PRKCA: variants seen among roughly 807,000 people sequenced by gnomAD.
PRKCA encodes protein kinase C alpha, also known as protein kinase C alpha type.
Under a neutral mutation model 87.0 loss-of-function variants are expected in PRKCA, and 27 were observed. That is an observed-to-expected ratio of 0.31 (90% CI 0.23 to 0.43). PRKCA has a LOEUF of 0.43. PRKCA is among the 20% of genes least tolerant of loss of function. PRKCA has a pLI of 1.00. For missense variants in PRKCA, 518 were observed against 852.3 expected (o/e 0.61, Z 4.88); for synonymous variants, 329 against 311.1 (o/e 1.06, Z -0.61).
chr17:66,778,280 G>A (rs1477703222), intron 14 of PRKCA: 49 of 883,466 alleles, frequency 5.5e-5, no homozygotes, highest in Non-Finnish European at 6.5e-5. Context: ...TCGGGAGGCC[G>A]AGGCGGGCGG....
chr17:66,551,164 G>A (rs954423422), intron 3 of PRKCA, among the ~76,000 whole-genome samples: 4 of 152,180 alleles, frequency 2.6e-5, no homozygotes, highest in African/African-American at 9.7e-5. Flanking sequence ...CTGGCCTCAA[G>A]TGATCCTCCC....
intron 14 of PRKCA, chr17:66,775,166 T>TG (rs75872116): frequency 1 from 983,543 of 983,562 alleles, 491,762 homozygotes; most frequent in Middle Eastern, 1. Flanking sequence ...AATGACCCTG[T>TG]GGTCAGTGCC....
At chr17:66,391,282 C>T (rs747223384) in intron 2 of PRKCA, among the ~76,000 whole-genome samples, 3 of 152,150 alleles carry the variant, frequency 2.0e-5, no homozygotes, top group African/African-American at 4.8e-5. Flanking sequence ...ATACTTTGTT[C>T]GTTTATTACA....
At chr17:66,498,127 C>T (rs931774372) in intron 3 of PRKCA, among the ~76,000 whole-genome samples, 1 of 152,064 alleles carries the variant, frequency 6.6e-6, no homozygotes, top group African/African-American at 2.4e-5. Flanking sequence ...CCCTGCCCTC[C>T]CCCCTGCTCC....
intron 5 of PRKCA, among the ~76,000 whole-genome samples, chr17:66,655,595 CA>C (rs1971715233): frequency 6.6e-6 from 1 of 152,204 alleles, no homozygotes; most frequent in Admixed American, 6.5e-5. Flanking sequence ...TGTTTATTTA[CA>C]TGTTGATCTC....
In PRKCA at chr17:66,726,702, G is replaced by A. The variant is rs571655036; in HGVS notation, c.919-5986G>A. Reference sequence around the variant, plus strand: ...CCTTCTCTCTGTCGTGTGGGAAGCCGGTGAATCCAGGACAGGACCACTGTC... The same window carrying A: ...CCTTCTCTCTGTCGTGTGGGAAGCCAGTGAATCCAGGACAGGACCACTGTC... On this transcript the variant is annotated intron_variant, in intron 8 of 16. Coordinates refer to ENST00000413366, the MANE Select transcript of PRKCA (RefSeq NM_002737.3). Among the ~76,000 whole-genome samples the A allele has an allele frequency of 5.3e-5, 8 of 152,074 alleles. No individual in the cohort carries two copies. In the East Asian group the frequency reaches 7.8e-4, roughly 15 times the overall value.
At chr17:66,708,280 A>G (rs1260489447) in intron 8 of PRKCA, among the ~76,000 whole-genome samples, 2 of 152,178 alleles carry the variant, frequency 1.3e-5, no homozygotes, top group Non-Finnish European at 2.9e-5. Context: ...TGCCACTTTC[A>G]CCTTGAGCAG....
At chr17:66,621,094 G>T (rs1223651656) in intron 3 of PRKCA, among the ~76,000 whole-genome samples, 1 of 152,166 alleles carries the variant, frequency 6.6e-6, no homozygotes, top group African/African-American at 2.4e-5. Flanking sequence ...AAGTTCTGTA[G>T]AGAAGACTCT....
chr17:66,798,401 GTGGTGA>G (rs766843738), intron 16 of PRKCA, among the ~76,000 whole-genome samples: 16,722 of 82,286 alleles, frequency 0.2, 2,265 homozygotes, highest in African/African-American at 0.4. Flanking sequence ...GGTGGTGGTG[GTGGTGA>G]TGGTGATGGT....
At chr17:66,392,545 G>T (rs567879597) in intron 2 of PRKCA, among the ~76,000 whole-genome samples, 9 of 152,032 alleles carry the variant, frequency 5.9e-5, no homozygotes, top group Non-Finnish European at 4.4e-5. Context: ...TATTTCCTTA[G>T]CTTCTCGGGC....
At chr17:66,420,497 C>T (rs538304005) in intron 2 of PRKCA, among the ~76,000 whole-genome samples, 1 of 152,218 alleles carries the variant, frequency 6.6e-6, no homozygotes, top group South Asian at 2.1e-4. Context: ...TTCTGTTTTT[C>T]ATTTTTCAGC....
At chr17:66,581,798 T>G (rs1272762856) in intron 3 of PRKCA, among the ~76,000 whole-genome samples, 1 of 152,192 alleles carries the variant, frequency 6.6e-6, no homozygotes, top group Non-Finnish European at 1.5e-5. Flanking sequence ...TTTTAAACAC[T>G]GATCTAAATT....
At chr17:66,668,298 G>T (rs1598858732) in intron 5 of PRKCA, among the ~76,000 whole-genome samples, 2 of 152,222 alleles carry the variant, frequency 1.3e-5, no homozygotes, top group Non-Finnish European at 2.9e-5. Context: ...TTGTTGGTGA[G>T]TTATGTCCTG....
chr17:66,530,893 C>T (rs978380892), intron 3 of PRKCA, among the ~76,000 whole-genome samples: 1 of 152,054 alleles, frequency 6.6e-6, no homozygotes, highest in Admixed American at 6.5e-5. Context: ...TACCTTGCCC[C>T]TGGTATGGAT....
intron 3 of PRKCA, among the ~76,000 whole-genome samples, chr17:66,563,043 G>A (rs1256377637): frequency 2.0e-5 from 3 of 151,826 alleles, no homozygotes; most frequent in Non-Finnish European, 4.4e-5. Context: ...ATATTTTTTA[G>A]AGCCATTGTT....
intron 3 of PRKCA, among the ~76,000 whole-genome samples, chr17:66,575,455 C>A (rs1969209022): frequency 6.6e-6 from 1 of 152,170 alleles, no homozygotes; most frequent in African/African-American, 2.4e-5. Flanking sequence ...TGGCGCACAC[C>A]TGTAATCCCA....
At chr17:66,647,681 T>C (rs955725124) in intron 5 of PRKCA, among the ~76,000 whole-genome samples, 5 of 152,188 alleles carry the variant, frequency 3.3e-5, no homozygotes, top group Admixed American at 6.5e-5. Flanking sequence ...GGTCAGGCCT[T>C]ATCGTGCTAG....
At chr17:66,319,563 T>C (rs1905524483) in intron 2 of PRKCA, among the ~76,000 whole-genome samples, 1 of 152,132 alleles carries the variant, frequency 6.6e-6, no homozygotes, top group Non-Finnish European at 1.5e-5. Context: ...GGAGACTTTT[T>C]CTTAGCATGA....
chr17:66,343,643 G>T (rs957131411), intron 2 of PRKCA, among the ~76,000 whole-genome samples: 1 of 152,118 alleles, frequency 6.6e-6, no homozygotes, highest in Non-Finnish European at 1.5e-5. Context: ...GACGGAGGAG[G>T]TGGGGAGGTG....
Sources: allele counts gnomAD v4.1 joint callset (sites outside exome capture counted in the v4.1 genomes callset), GRCh38; gene constraint gnomAD v4.1.1; transcripts MANE v1.5; gene names NCBI Gene and HGNC (gene_info 2026-07-23, HGNC 2026-07-21).